SUN2: variants seen among roughly 807,000 people sequenced by gnomAD.
The protein encoded by SUN2 is SUN domain-containing protein 2.
Under a neutral mutation model 100.0 loss-of-function variants are expected in SUN2, and 60 were observed. That is an observed-to-expected ratio of 0.60 (90% CI 0.49 to 0.74). The LOEUF is 0.74. Among genes scored for constraint, SUN2 ranks in the 30% least tolerant of loss-of-function variants. The probability of loss-of-function intolerance (pLI) is 0.00; values close to 1 mark genes in which losing one functional copy is unlikely to be tolerated. For missense variants in SUN2, 834 were observed against 954.6 expected, an observed-to-expected ratio of 0.87 and a Z score of 1.66; for synonymous variants, 367 against 403.3, an observed-to-expected ratio of 0.91 and a Z score of 1.08.
At position 38,755,580 on chromosome 22, in the gene SUN2, GGGGCCAGGAGGTGAGTCAGGGCGC is replaced by G; in HGVS notation, c.-38+159_-38+182del. The G allele has an allele frequency of 2.1e-6, 2 of 949,406 alleles. No individual in the cohort carries two copies. Among genetic ancestry groups the G allele is most frequent in the African/African-American group, 1.8e-5 (1 of 56,624 alleles). The allele number at this position is 949,406 out of a possible 1,614,324, so 58.8% of individuals were successfully genotyped here. ...GACCAGTGGCGCGGCAGGCGGGGCG[GGGGCCAGGAGGTGAGTCAGGGCGC>G]GGGCCGCGGACCCGGGTGGAGGCTG... is the stretch of plus-strand genomic sequence containing the variant. On this transcript the variant is annotated intron_variant, in intron 1 of 17. Coordinates refer to ENST00000689035, the MANE Select transcript of SUN2 (RefSeq NM_015374.3). This position sits in a 1 kb window ranked among gnomAD's most constrained non-coding sequence, Gnocchi z 5.7.
chr22:38,740,017 C>T lies in SUN2; in HGVS notation c.1357-74G>A. On this transcript the variant is annotated intron_variant, in intron 12 of 17. Transcript: ENST00000689035. This position sits in a 1 kb window ranked among gnomAD's most constrained non-coding sequence, Gnocchi z 4.8. ...AGGAGCTGCTATGACAGGGCTAGTG[C>T]TTAGCTGGATAGCAGGGATAGGGTA... 1 of 1,518,778 alleles carries T rather than the reference C, an allele frequency of 6.6e-7. No homozygotes were observed. Among genetic ancestry groups the T allele is most frequent in the Non-Finnish European group, 9.0e-7 (1 of 1,116,424 alleles). The allele number at this position is 1,518,778 out of a possible 1,614,324, so 94.1% of individuals were successfully genotyped here.
At chr22:38,754,671 T>A (rs894728642) in intron 1 of SUN2, 1 of 1,267,452 alleles carries the variant, frequency 7.9e-7, no homozygotes, top group African/African-American at 1.7e-5. Flanking sequence ...ACACAGGGAC[T>A]CCTCTTAGCC....
Position 38,755,527 on chromosome 22 carries a change from C to T in SUN2, c.-38+236G>A. ...CCTCCCGGGAGGCTGCCCGGGAAGT[C>T]CCGCCCGCAGACACCGCCCTCCCGG... On this transcript the variant is annotated intron_variant, in intron 1 of 17. Transcript: ENST00000689035. This position sits in a 1 kb window ranked among gnomAD's most constrained non-coding sequence, Gnocchi z 5.7. 1 of 983,398 alleles carries T rather than the reference C, an allele frequency of 1.0e-6. No individual in the cohort carries two copies. The highest frequency in any genetic ancestry group is 1.2e-6 in the Non-Finnish European group (1 of 827,744). 60.9% of individuals were successfully genotyped at this position (983,398 alleles called of 1,614,324 possible). A position where few individuals can be genotyped will look rare whatever the true frequency, so the allele number is the denominator to read the frequency against.
Position 38,740,053 on chromosome 22 carries a change from C to A in SUN2, c.1357-110G>T. 7.5e-7 allele frequency: 1 copy of A among 1,333,102 alleles called. No homozygotes were observed. Among genetic ancestry groups the A allele is most frequent in the Non-Finnish European group, 1.0e-6 (1 of 975,670 alleles). The allele number at this position is 1,333,102 out of a possible 1,614,324, so 82.6% of individuals were successfully genotyped here. On this transcript the variant is annotated intron_variant, in intron 12 of 17. Transcript: ENST00000689035. The surrounding 1 kb of genome is among the most constrained non-coding windows in gnomAD (Gnocchi z 4.8). ...AGCAGGGATAGGGTAGGAGGGAGGC[C>A]ACTGGAGGAAAGAGTTATGAACACT...
chr22:38,738,408 T>A lies in SUN2; in HGVS notation c.1948-143A>T. ...CACTTCACTCTCTTGTGCCACAGTT[T>A]CTGCCTCCAAAGCCTAAGGTAACAG... On this transcript the variant is annotated intron_variant, in intron 16 of 17. Coordinates refer to ENST00000689035, the MANE Select transcript of SUN2 (RefSeq NM_015374.3). This position sits in a 1 kb window ranked among gnomAD's most constrained non-coding sequence, Gnocchi z 6.6. 9.1e-7 allele frequency: 1 copy of A among 1,104,436 alleles called. No homozygotes were observed. The highest frequency in any genetic ancestry group is 1.3e-6 in the Non-Finnish European group (1 of 766,432). 68.4% of individuals were successfully genotyped at this position (1,104,436 alleles called of 1,614,324 possible).
In SUN2 at chr22:38,755,528, C is replaced by T. The variant is rs185695353; in HGVS notation, c.-38+235G>A. On this transcript the variant is annotated intron_variant, in intron 1 of 17. Transcript: ENST00000689035. The surrounding 1 kb of genome is among the most constrained non-coding windows in gnomAD (Gnocchi z 5.7). The stretch of plus-strand genomic sequence containing the variant: ...CTCCCGGGAGGCTGCCCGGGAAGTC[C>T]CGCCCGCAGACACCGCCCTCCCGGC... 6.6e-4 allele frequency: 644 copies of T among 983,098 alleles called. 15 individuals are homozygous for T. In the East Asian group the frequency reaches 0.051, roughly 79 times the overall value. 60.9% of individuals were successfully genotyped at this position (983,098 alleles called of 1,614,324 possible).
intron 2 of SUN2, 142 bp downstream of exon 2, chr22:38,752,365 A>G: frequency 9.8e-7 from 1 of 1,019,748 alleles, no homozygotes; most frequent in Admixed American, 2.2e-5. Flanking sequence ...GACCCCCTCG[A>G]CCGGACGGGG....
chr22:38,755,370 G>C lies in SUN2; in HGVS notation c.-38+393C>G, dbSNP rs1190092929. ...TTTTGTTTTAGAACTGAACAAAACGGGCCTTCCTCTGAGGCCCTGAGTTCT... is the reference window on the plus strand; with the variant it reads ...TTTTGTTTTAGAACTGAACAAAACGCGCCTTCCTCTGAGGCCCTGAGTTCT... On this transcript the variant is annotated intron_variant, in intron 1 of 17. Coordinates refer to ENST00000689035, the MANE Select transcript of SUN2 (RefSeq NM_015374.3). The surrounding 1 kb of genome is among the most constrained non-coding windows in gnomAD (Gnocchi z 5.7). 3 of 1,020,732 alleles carry C rather than the reference G, an allele frequency of 2.9e-6. No homozygotes were observed. The highest frequency in any genetic ancestry group is 3.5e-6 in the Non-Finnish European group (3 of 848,756). The allele number at this position is 1,020,732 out of a possible 1,614,324, so 63.2% of individuals were successfully genotyped here.
In SUN2 at chr22:38,735,326, C is replaced by T. The variant is rs772949903; in HGVS notation, c.*941G>A. 2.5e-5 allele frequency: 11 copies of T among 436,872 alleles called. No homozygotes were observed. Among genetic ancestry groups the T allele is most frequent in the Middle Eastern group, 5.2e-4 (1 of 1,938 alleles). The allele number at this position is 436,872 out of a possible 1,614,324, so 27.1% of individuals were successfully genotyped here. A position where few individuals can be genotyped will look rare whatever the true frequency, so the allele number is the denominator to read the frequency against. ...TCAGGGCCTGGTTAGATGTGGGGGC[C>T]GGTGCAGACAGACCTCGCACCCCGA... On this transcript the variant is annotated 3_prime_UTR_variant, in exon 18 of 18. Transcript: ENST00000689035.
rs2092899869 is a variant in SUN2, at chr22:38,745,831, T to C, written c.686-20A>G. ...AAGCACCTGTGCACAGGGGAGAGGG[T>C]GTTACCCCAGCTGGGCCTCCAGCAA... is the stretch of plus-strand genomic sequence containing the variant. On this transcript the variant is annotated intron_variant, in intron 7 of 17. Transcript: ENST00000689035. 1 of 1,610,188 alleles carries C rather than the reference T, an allele frequency of 6.2e-7. No individual in the cohort carries two copies. Among genetic ancestry groups the C allele is most frequent in the African/African-American group, 1.3e-5 (1 of 74,780 alleles).
chr22:38,739,111 C>A lies in SUN2; in HGVS notation c.1664-123G>T. ...CCCAGGCCTAGCCTTTAACCCTAAC[C>A]GAGATGCTCAGAGCAGCTTTAAAGG... On this transcript the variant is annotated intron_variant, in intron 14 of 17. Coordinates refer to ENST00000689035, the MANE Select transcript of SUN2 (RefSeq NM_015374.3). This position sits in a 1 kb window ranked among gnomAD's most constrained non-coding sequence, Gnocchi z 6.7. 9.5e-7 allele frequency: 1 copy of A among 1,054,370 alleles called. No individual in the cohort carries two copies. Among genetic ancestry groups the A allele is most frequent in the African/African-American group, 1.6e-5 (1 of 63,524 alleles). The allele number at this position is 1,054,370 out of a possible 1,614,324, so 65.3% of individuals were successfully genotyped here.
At chr22:38,750,858 C>T in intron 4 of SUN2, 40 bp downstream of exon 4, 1 of 1,607,980 alleles carries the variant, frequency 6.2e-7, no homozygotes. Context: ...GGCCTCCCAG[C>T]AGCCTCGGAT....
Position 38,736,277 on chromosome 22 carries a change from G to A in SUN2, c.2144C>T (p.Pro715Leu). 6.2e-7 allele frequency: 1 copy of A among 1,612,960 alleles called. No homozygotes were observed. Among genetic ancestry groups the A allele is most frequent in the Middle Eastern group, 1.7e-4 (1 of 6,054 alleles). Residue 715 changes from proline to leucine, a missense_variant, in exon 18 of 18, where the codon CCC becomes CTC. This residue lies in a region of SUN2 where 80 missense variants were observed against 76.7 expected (regional missense o/e 1.04). Coordinates refer to ENST00000689035, the MANE Select transcript of SUN2 (RefSeq NM_015374.3). ...CACCAGTAAGCAGGGCTAGTGGGCG[G>A]GCTCCCCATGCACTCTGAAGCGGTA... is the stretch of plus-strand genomic sequence containing the variant. The part of the protein sequence containing the change: ...CIYRFRVHGE[P>L]AH
chr22:38,739,018 T>C lies in SUN2; in HGVS notation c.1664-30A>G. Reference sequence around the variant, plus strand: ...GACAGGAGAGGAAGGCAGGGTGGGCTCCCGCACGGGAGGAGGGCCCCGCTC... The same window carrying C: ...GACAGGAGAGGAAGGCAGGGTGGGCCCCCGCACGGGAGGAGGGCCCCGCTC... On this transcript the variant is annotated intron_variant, in intron 14 of 17. Transcript: ENST00000689035. The surrounding 1 kb of genome is among the most constrained non-coding windows in gnomAD (Gnocchi z 6.7). 1.3e-6 allele frequency: 2 copies of C among 1,583,692 alleles called. No homozygotes were observed. Among genetic ancestry groups the C allele is most frequent in the Non-Finnish European group, 1.7e-6 (2 of 1,164,666 alleles).
At chr22:38,745,551 T>A in intron 8 of SUN2, 133 bp downstream of exon 8, 1 of 1,213,532 alleles carries the variant, frequency 8.2e-7, no homozygotes, top group East Asian at 2.4e-5. Context: ...TTTCTGTGCC[T>A]TGTAAGATGG....
chr22:38,754,534 G>T, intron 1 of SUN2: 1 of 994,006 alleles, frequency 1.0e-6, no homozygotes, highest in Non-Finnish European at 1.4e-6. Context: ...AAAAGGGACC[G>T]ATTGGTAGTA....
At position 38,740,127 on chromosome 22, in the gene SUN2, C is replaced by T; in HGVS notation, c.1356+140G>A. 2 of 1,274,000 alleles carry T rather than the reference C, an allele frequency of 1.6e-6. No homozygotes were observed. Among genetic ancestry groups the T allele is most frequent in the Middle Eastern group, 2.8e-4 (1 of 3,542 alleles). 78.9% of individuals were successfully genotyped at this position (1,274,000 alleles called of 1,614,324 possible). The stretch of plus-strand genomic sequence containing the variant: ...AAGAACGCCTGTCAGTGAGAGCCCA[C>T]ATGTGTCAAGGCCAACGCCACAGTC... On this transcript the variant is annotated intron_variant, in intron 12 of 17. Coordinates refer to ENST00000689035, the MANE Select transcript of SUN2 (RefSeq NM_015374.3). The surrounding 1 kb of genome is among the most constrained non-coding windows in gnomAD (Gnocchi z 4.8).
At chr22:38,746,373 A>T (rs1278571580) in intron 7 of SUN2, among the ~76,000 whole-genome samples, 1 of 152,090 alleles carries the variant, frequency 6.6e-6, no homozygotes, top group Non-Finnish European at 1.5e-5. Flanking sequence ...ACACAGAGAC[A>T]TGTTCATTCT....
At chr22:38,745,131 C>G (rs1400103497) in intron 8 of SUN2, 2 of 471,172 alleles carry the variant, frequency 4.2e-6, no homozygotes, top group South Asian at 3.1e-5. Context: ...CCTTGGTTCT[C>G]TCTTGAAACC....
Sources: allele counts gnomAD v4.1 joint callset (sites outside exome capture counted in the v4.1 genomes callset), GRCh38; gene constraint gnomAD v4.1.1; regional missense constraint gnomAD v4.1.1; non-coding constraint Gnocchi (gnomAD v3.1); transcripts MANE v1.5; gene names NCBI Gene and HGNC (gene_info 2026-07-23, HGNC 2026-07-21).